STIM1: variants seen among roughly 807,000 people sequenced by gnomAD.
STIM1 encodes the protein stromal interaction molecule 1.
In STIM1, 25 loss-of-function variants were observed where a neutral mutation model predicts 74.7. That is an observed-to-expected ratio of 0.33 (90% CI 0.24 to 0.47). The LOEUF (loss-of-function observed/expected upper bound fraction) is 0.47, where lower values mean the gene tolerates loss of function less well. Among genes scored for constraint, STIM1 ranks in the 20% least tolerant of loss-of-function variants. STIM1 has a pLI of 1.00. For synonymous variants in STIM1, 328 were observed against 348.8 expected (o/e 0.94, Z 0.66); for missense variants, 728 against 920.8 (o/e 0.79, Z 2.71).
intron 5 of STIM1, among the ~76,000 whole-genome samples, chr11:4,061,520 A>T (rs2133116073): frequency 6.6e-6 from 1 of 152,336 alleles, no homozygotes; most frequent in African/African-American, 2.4e-5. Context: ...GTATAGAGAA[A>T]TTGAAACCCT....
intron 1 of STIM1, among the ~76,000 whole-genome samples, chr11:3,943,104 C>T (rs2093030639): frequency 6.6e-6 from 1 of 152,180 alleles, no homozygotes; most frequent in Non-Finnish European, 1.5e-5. Context: ...AGAGAGCTTG[C>T]CAGCTGTGTC....
intron 5 of STIM1, 98 bp downstream of exon 5, chr11:4,059,494 C>G: frequency 1.1e-6 from 1 of 907,114 alleles, no homozygotes; most frequent in Non-Finnish European, 1.8e-6. Context: ...CCTAGGCACA[C>G]CTGCAAGATA....
At position 3,856,377 on chromosome 11, in the gene STIM1, C is replaced by T. The variant is rs200907515; in HGVS notation, c.107C>T (p.Ser36Leu). 37 of 1,614,060 alleles carry T rather than the reference C, an allele frequency of 2.3e-5. No homozygotes were observed. The highest frequency in any genetic ancestry group is 2.5e-5 in the Non-Finnish European group (29 of 1,180,054). ...AGTGAGAAGGCGACAGGAACCAGCT[C>T]GGGGGCCAACTCTGAGGAGTCCACT... Reference protein sequence around the residue: ...SHSEKATGTSSGANSEESTAA... With the variant: ...SHSEKATGTSLGANSEESTAA... The change falls in exon 1 of 13, where the codon TCG becomes TTG. Residue 36 changes from serine (S) to leucine (L), a missense_variant. By Grantham distance (145) the Ser-to-Leu change is moderately radical (BLOSUM62 -2). Transcript: ENST00000526596.
At chr11:3,859,218 T>C (rs2090504866) in intron 1 of STIM1, among the ~76,000 whole-genome samples, 1 of 152,224 alleles carries the variant, frequency 6.6e-6, no homozygotes, top group South Asian at 2.1e-4. Flanking sequence ...TTAGCATGCA[T>C]ACAATAAACA....
intron 1 of STIM1, chr11:3,921,801 C>T (rs1016222576): frequency 1.3e-5 from 2 of 152,180 alleles, no homozygotes; most frequent in Admixed American, 6.5e-5. Context: ...AAATTATTCA[C>T]TCTGCGGAAG....
rs35960304 is a variant in STIM1 at position 4,091,352 on chromosome 11, C to T, written c.1705C>T (p.Pro569Ser). 3.3e-3 allele frequency: 5,358 copies of T among 1,614,238 alleles called. 158 individuals are homozygous for T. In the African/African-American group the frequency reaches 0.064, roughly 19 times the overall value. Residue 569 changes from proline (P) to serine (S), a missense_variant, in exon 13 of 13, where the codon CCT becomes TCT. Transcript: ENST00000526596. The stretch of plus-strand genomic sequence containing the variant: ...CCGCCAGCGTGTGGCCCCCAAACCT[C>T]CTCAGATGAGCCGTGCTGCAGACGA... ...SDRQRVAPKP[P>S]QMSRAADEAL...
chr11:3,864,524 G>T (rs1479942594), intron 1 of STIM1, among the ~76,000 whole-genome samples: 1 of 152,178 alleles, frequency 6.6e-6, no homozygotes, highest in Non-Finnish European at 1.5e-5. Flanking sequence ...GGCTATACTG[G>T]ACATGATGAT....
Position 4,036,069 on chromosome 11 carries a change from A to G in STIM1, c.385+12082A>G, listed in dbSNP as rs1342266370. 3.3e-5 allele frequency among the ~76,000 whole-genome samples: 5 copies of G among 152,070 alleles called. No individual in the cohort carries two copies. In the East Asian group the frequency reaches 7.7e-4, roughly 24 times the overall value. ...CCCCCTGATGTGTCTGTGTGTTCTC[A>G]TCGTTGAGCTCTCACTTGCAAGTGA... On this transcript the variant is annotated intron_variant, in intron 3 of 12. Transcript: ENST00000526596.
At chr11:4,001,075 G>T (rs1212628442) in intron 2 of STIM1, among the ~76,000 whole-genome samples, 1 of 152,174 alleles carries the variant, frequency 6.6e-6, no homozygotes, top group Non-Finnish European at 1.5e-5. Context: ...TCCAAGAAAT[G>T]TGGGACTATA....
chr11:3,920,878 C>T lies in STIM1; in HGVS notation c.140-46674C>T, dbSNP rs371713712. Among the ~76,000 whole-genome samples, 13 of 151,698 alleles carry T rather than the reference C, an allele frequency of 8.6e-5. No individual in the cohort carries two copies. In the East Asian group the frequency reaches 2.3e-3, roughly 27 times the overall value. On this transcript the variant is annotated intron_variant, in intron 1 of 12. Transcript: ENST00000526596. ...TGGTGCAGTCTTGGCTCACTACAGCCTCCACCTTCTGGGTTCAAGTGATTC... is the reference window on the plus strand; with the variant it reads ...TGGTGCAGTCTTGGCTCACTACAGCTTCCACCTTCTGGGTTCAAGTGATTC...
intron 4 of STIM1, among the ~76,000 whole-genome samples, chr11:4,057,559 C>T (rs373856082): frequency 3.9e-5 from 6 of 152,306 alleles, no homozygotes; most frequent in African/African-American, 1.4e-4. Flanking sequence ...AACTCTAAGT[C>T]TCCATTTTCT....
chr11:3,944,375 C>T (rs371888245), intron 1 of STIM1, among the ~76,000 whole-genome samples: 34 of 152,246 alleles, frequency 2.2e-4, no homozygotes, highest in Middle Eastern at 3.4e-3. Context: ...CTGATTAACT[C>T]GCTGATTGAA....
intron 3 of STIM1, among the ~76,000 whole-genome samples, chr11:4,040,643 T>C (rs567831512): frequency 1.3e-5 from 2 of 152,366 alleles, no homozygotes; most frequent in African/African-American, 4.8e-5. Flanking sequence ...GCACAGGGCC[T>C]GGCCCAGAGT....
intron 1 of STIM1, among the ~76,000 whole-genome samples, chr11:3,895,663 T>TTTCC: frequency 3.1e-5 from 1 of 32,604 alleles, no homozygotes; most frequent in African/African-American, 1.7e-4. Flanking sequence ...TCTTTCTTTC[T>TTTCC]TTCTTTCTTT....
rs74051568 is a variant in STIM1 at position 3,959,532 on chromosome 11, G to A, written c.140-8020G>A. 5.2e-3 allele frequency among the ~76,000 whole-genome samples: 786 copies of A among 152,266 alleles called. 9 individuals carry two copies. Among genetic ancestry groups the A allele is most frequent in the African/African-American group, 0.018 (753 of 41,544 alleles). The stretch of plus-strand genomic sequence containing the variant: ...ATTATAATGGGCCCTGGGGGATAGA[G>A]TGAGTCAAGCTTGGTTCTTACCACT... On this transcript the variant is annotated intron_variant, in intron 1 of 12. Coordinates refer to ENST00000526596, the MANE Select transcript of STIM1 (RefSeq NM_001382567.1).
chr11:3,981,740 T>C (rs1480131771), intron 2 of STIM1, among the ~76,000 whole-genome samples: 1 of 152,192 alleles, frequency 6.6e-6, no homozygotes, highest in African/African-American at 2.4e-5. Context: ...CCTACCCTTC[T>C]GCCCTATGTT....
intron 1 of STIM1, among the ~76,000 whole-genome samples, chr11:3,924,477 C>A: frequency 6.6e-6 from 1 of 152,142 alleles, no homozygotes; most frequent in East Asian, 1.9e-4. Flanking sequence ...AGATTACAGG[C>A]GTGAGCCACT....
chr11:4,058,585 C>A (rs1333446556), intron 4 of STIM1, among the ~76,000 whole-genome samples: 2 of 152,144 alleles, frequency 1.3e-5, no homozygotes, highest in Non-Finnish European at 2.9e-5. Flanking sequence ...TGTGTTCCAG[C>A]AGAAGAGAAA....
intron 1 of STIM1, among the ~76,000 whole-genome samples, chr11:3,865,653 C>A (rs891567308): frequency 1.3e-5 from 2 of 152,142 alleles, no homozygotes; most frequent in Non-Finnish European, 2.9e-5. Context: ...AATCTGTTTG[C>A]TGGGATGTAC....
Sources: gnomAD v4.1 joint callset for allele counts (sites outside exome capture counted in the v4.1 genomes callset) on GRCh38, gnomAD v4.1.1 for gene constraint, MANE v1.5 for transcripts, NCBI Gene and HGNC (gene_info 2026-07-23, HGNC 2026-07-21) for gene names.